Variants in RAP2C observed in about 807,000 individuals in gnomAD.
RAP2C encodes the protein ras-related protein Rap-2c.
RAP2C carries 3 observed loss-of-function variants against 8.9 expected under a neutral mutation model. The ratio of observed to expected loss-of-function variants is 0.34; its 90% CI spans 0.15 to 0.87. The LOEUF (loss-of-function observed/expected upper bound fraction) is 0.87. Ranked by LOEUF, RAP2C falls within the 40% of genes least tolerant of loss-of-function variation. The pLI, the probability that RAP2C is intolerant of heterozygous loss-of-function variation, is 0.51. For synonymous variants in RAP2C, 60 were observed against 52.1 expected (o/e 1.15, Z -0.65); for missense variants, 76 against 133.7 (o/e 0.57, Z 2.13).
In RAP2C at chrX:132,214,356, G is replaced by A. The variant is rs1163771004; in HGVS notation, c.364C>T (p.Pro122Ser). Residue 122 changes from proline to serine, a missense_variant, in exon 5 of 6, where the codon CCA becomes TCA. Coordinates refer to ENST00000370874, the MANE Select transcript of RAP2C (RefSeq NM_001271186.2). The stretch of plus-strand genomic sequence containing the variant: ...TCTGAAGACATAACCTCTCTTTCTG[G>A]TTCCAGATCCACTTTATTTCCTACT... ...ILVGNKVDLEPEREVMSSEGR... is the reference protein window; with the variant it reads ...ILVGNKVDLESEREVMSSEGR... 1 of 1,211,520 alleles carries A rather than the reference G, an allele frequency of 8.3e-7. No homozygotes were observed. Among genetic ancestry groups the A allele is most frequent in the Non-Finnish European group, 1.1e-6 (1 of 895,286 alleles).
In RAP2C at chrX:132,204,196, G is replaced by C. The variant is rs1930204791; in HGVS notation, c.*1426C>G. The C allele has an allele frequency of 8.9e-6, 1 of 112,176 alleles. No individual in the cohort carries two copies. Among genetic ancestry groups the C allele is most frequent in the Admixed American group, 9.5e-5 (1 of 10,543 alleles). 9.2% of individuals were successfully genotyped at this position (112,176 alleles called of 1,213,427 possible). A position where few individuals can be genotyped will look rare whatever the true frequency, so the allele number is the denominator to read the frequency against. ...AATCGAGAACTTTGGTGCAGTAGGT[G>C]AGCTGCAGTTACTAACTTCTGCAAA... On this transcript the variant is annotated 3_prime_UTR_variant, in exon 6 of 6. Coordinates refer to ENST00000370874, the MANE Select transcript of RAP2C (RefSeq NM_001271186.2).
At chrX:132,215,584 T>C (rs1247928037) in intron 4 of RAP2C, among the ~76,000 whole-genome samples, 7 of 111,574 alleles carry the variant, frequency 6.3e-5, no homozygotes, top group Non-Finnish European at 3.8e-5. Context: ...AGTTTACACC[T>C]CCACTGAAAT....
Position 132,217,128 on chromosome X carries a change from G to C in RAP2C, c.141C>G (p.Asp47Glu). 8.3e-7 allele frequency: 1 copy of C among 1,205,617 alleles called. No homozygotes were observed. The highest frequency in any genetic ancestry group is 1.8e-5 in the South Asian group (1 of 55,858). ...EDFYRKEIEV[D>E]SSPSVLEILD... ...GAATTTCCAGCACGGAGGGGGAAGA[G>C]TCCACTTCGATCTCTTTGCGGTAGA... Residue 47 changes from aspartate to glutamate, a missense_variant, in exon 4 of 6, where the codon GAC (aspartate) becomes GAG (glutamate). Asp to Glu is a conservative substitution (Grantham distance 45, BLOSUM62 2). Transcript: ENST00000370874.
intron 5 of RAP2C, among the ~76,000 whole-genome samples, chrX:132,208,793 T>C (rs1357657549): frequency 1.8e-5 from 2 of 110,577 alleles, no homozygotes; most frequent in Non-Finnish European, 3.8e-5. Flanking sequence ...CTTGAACCGC[T>C]AGTACTACAG....
In RAP2C at chrX:132,214,451, T is replaced by C. The variant is rs369025253; in HGVS notation, c.274-5A>G. 44 of 1,198,901 alleles carry C rather than the reference T, an allele frequency of 3.7e-5. No homozygotes were observed. The highest frequency in any genetic ancestry group is 4.9e-5 in the Non-Finnish European group (44 of 889,091). On this transcript the variant is annotated splice_polypyrimidine_tract_variant and splice_region_variant and intron_variant, in intron 4 of 5. Transcript: ENST00000370874. ...ATCTCTCATTGGCTTGATATCCTAT[T>C]CAAGCAATCACAAAGAGAAAGAAAA...
At position 132,204,996 on chromosome X, in the gene RAP2C, A is replaced by AC; in HGVS notation, c.*625_*626insG. 1 of 110,268 alleles carries AC rather than the reference A, an allele frequency of 9.1e-6. No individual in the cohort carries two copies. Among genetic ancestry groups the AC allele is most frequent in the African/African-American group, 3.3e-5 (1 of 30,351 alleles). 9.1% of individuals were successfully genotyped at this position (110,268 alleles called of 1,213,427 possible). A position where few individuals can be genotyped will look rare whatever the true frequency, so the allele number is the denominator to read the frequency against. Reference sequence around the variant, plus strand: ...TGTTAATTACAAAAAAAAAAAAAAAAAAACAAAACACATCACAAACTGCAC... The same window carrying AC: ...TGTTAATTACAAAAAAAAAAAAAAAACAAACAAAACACATCACAAACTGCAC... On this transcript the variant is annotated 3_prime_UTR_variant, in exon 6 of 6. Coordinates refer to ENST00000370874, the MANE Select transcript of RAP2C (RefSeq NM_001271186.2).
Position 132,214,223 on chromosome X carries a change from T to C in RAP2C, c.497A>G (p.Tyr166Cys), listed in dbSNP as rs1403280172. ...LFAEIVRQMN[Y>C]SSLPEKQDQC... ...ATCTTGCTTCTCCGGCAGGGATGAATAGTTCATTTGCCTGACGATCTCAGC... is the reference window on the plus strand; with the variant it reads ...ATCTTGCTTCTCCGGCAGGGATGAACAGTTCATTTGCCTGACGATCTCAGC... Residue 166 changes from tyrosine to cysteine, a missense_variant, in exon 5 of 6, where the codon TAT becomes TGT. Tyr to Cys is a radical substitution (Grantham distance 194). Transcript: ENST00000370874. 1 of 1,211,813 alleles carries C rather than the reference T, an allele frequency of 8.3e-7. No homozygotes were observed. Among genetic ancestry groups the C allele is most frequent in the South Asian group, 1.8e-5 (1 of 57,017 alleles).
intron 5 of RAP2C, 130 bp downstream of exon 5, chrX:132,214,004 T>C (rs952270991): frequency 3.9e-6 from 2 of 515,834 alleles, no homozygotes; most frequent in Non-Finnish European, 5.8e-6. Flanking sequence ...TTTTGTGTGA[T>C]GGAAAATGTT....
At position 132,205,475 on chromosome X, in the gene RAP2C, T is replaced by C. The variant is rs1383787799; in HGVS notation, c.*147A>G. On this transcript the variant is annotated 3_prime_UTR_variant, in exon 6 of 6. Transcript: ENST00000370874. ...AGGCCAAAGACCTTATGCACTTAAATAGATGTATGGCAACATGCTGTAATA... is the reference window on the plus strand; with the variant it reads ...AGGCCAAAGACCTTATGCACTTAAACAGATGTATGGCAACATGCTGTAATA... 1 of 111,800 alleles carries C rather than the reference T, an allele frequency of 8.9e-6. No homozygotes were observed. 9.2% of individuals were successfully genotyped at this position (111,800 alleles called of 1,213,427 possible).
In RAP2C at chrX:132,214,216, G is replaced by C. The variant is rs1398230883; in HGVS notation, c.504C>G (p.Ser168=). The part of the protein sequence containing the change: ...AEIVRQMNYS[S]LPEKQDQCCT... ...AACACTGATCTTGCTTCTCCGGCAG[G>C]GATGAATAGTTCATTTGCCTGACGA... Residue 168 remains serine (S), a synonymous_variant, in exon 5 of 6, where the codon TCC becomes TCG. Transcript: ENST00000370874. The C allele has an allele frequency of 8.3e-7, 1 of 1,211,541 alleles. No homozygotes were observed. The highest frequency in any genetic ancestry group is 1.1e-6 in the Non-Finnish European group (1 of 895,358).
Position 132,214,402 on chromosome X carries a change from A to G in RAP2C, c.318T>C (p.Tyr106=), listed in dbSNP as rs376860828. 7.7e-5 allele frequency: 93 copies of G among 1,209,623 alleles called. No homozygotes were observed. The highest frequency in any genetic ancestry group is 1.0e-4 in the Non-Finnish European group (91 of 894,767). ...MRDQIVRVKR[Y]EKVPLILVGN... is the part of the protein sequence containing the mutation. ...CTACTAGGATTAGTGGGACTTTTTCATATCTCTTCACTCTGACAATTTGAT... is the reference window on the plus strand; with the variant it reads ...CTACTAGGATTAGTGGGACTTTTTCGTATCTCTTCACTCTGACAATTTGAT... Residue 106 remains tyrosine, a synonymous_variant, in exon 5 of 6, where the codon TAT becomes TAC. Transcript: ENST00000370874.
Position 132,205,139 on chromosome X carries a change from G to T in RAP2C, c.*483C>A, listed in dbSNP as rs1278820845. On this transcript the variant is annotated 3_prime_UTR_variant, in exon 6 of 6. Transcript: ENST00000370874. ...TTAACCAATAATTTTAAAGGAGAAAGATTTTACAAATAGGATGAAGCACTG... is the reference window on the plus strand; with the variant it reads ...TTAACCAATAATTTTAAAGGAGAAATATTTTACAAATAGGATGAAGCACTG... 1 of 111,830 alleles carries T rather than the reference G, an allele frequency of 8.9e-6. No individual in the cohort carries two copies. The highest frequency in any genetic ancestry group is 9.5e-5 in the Admixed American group (1 of 10,481). The allele number at this position is 111,830 out of a possible 1,213,427, so 9.2% of individuals were successfully genotyped here.
rs10617253 is a variant in RAP2C, at chrX:132,203,506, T to TGAGAGA, written c.*2110_*2115dup. ...TCAATGACAATGAACACTGTAATTT[T>TGAGAGA]GAGAGAGAGAGAGAGAGAGAGAGAG... On this transcript the variant is annotated 3_prime_UTR_variant, in exon 6 of 6. Transcript: ENST00000370874. The TGAGAGA allele has an allele frequency of 3.5e-4, 21 of 60,343 alleles. No individual in the cohort carries two copies. The highest frequency in any genetic ancestry group is 6.1e-4 in the Non-Finnish European group (19 of 31,263). The allele number at this position is 60,343 out of a possible 1,213,427, so 5.0% of individuals were successfully genotyped here.
intron 4 of RAP2C, among the ~76,000 whole-genome samples, chrX:132,215,115 ATT>A (rs375550778): frequency 4.9e-5 from 5 of 102,209 alleles, no homozygotes; most frequent in Admixed American, 2.2e-4. Flanking sequence ...GGAAGAAGTC[ATT>A]TTTTTTTTTT....
chrX:132,206,445 C>A (rs906953799), intron 5 of RAP2C, among the ~76,000 whole-genome samples: 2 of 112,099 alleles, frequency 1.8e-5, no homozygotes, highest in African/African-American at 6.5e-5. Context: ...AAAAATCTAT[C>A]GTTCAGACAG....
rs908643052 is a variant in RAP2C, at chrX:132,217,549, C to A, written c.-281G>T. 8.3e-6 allele frequency: 2 copies of A among 240,399 alleles called. No individual in the cohort carries two copies. The highest frequency in any genetic ancestry group is 1.5e-5 in the Non-Finnish European group (2 of 134,289). The allele number at this position is 240,399 out of a possible 1,213,427, so 19.8% of individuals were successfully genotyped here. A position where few individuals can be genotyped will look rare whatever the true frequency, so the allele number is the denominator to read the frequency against. The stretch of plus-strand genomic sequence containing the variant: ...GAGGGCGAGCCTGGGAAAAGCCCGG[C>A]GAGGGTGGCGAGGAGGCGCGTGCCC... On this transcript the variant is annotated 5_prime_UTR_variant, in exon 4 of 6. Transcript: ENST00000370874.
chrX:132,211,238 GTCTC>G (rs1286213079), intron 5 of RAP2C, among the ~76,000 whole-genome samples: 2 of 111,166 alleles, frequency 1.8e-5, no homozygotes, highest in African/African-American at 6.6e-5. Flanking sequence ...GTTGGTTGTG[GTCTC>G]TCCTTTCCCT....
In RAP2C at chrX:132,203,219, T is replaced by C. The variant is rs781376929; in HGVS notation, c.*2403A>G. On this transcript the variant is annotated 3_prime_UTR_variant, in exon 6 of 6. Coordinates refer to ENST00000370874, the MANE Select transcript of RAP2C (RefSeq NM_001271186.2). ...ATAAAGTTACAGTACATTAGATCCA[T>C]GATAATAGGTTACATTATTTTATTT... 8.9e-6 allele frequency: 1 copy of C among 112,227 alleles called. No homozygotes were observed. Among genetic ancestry groups the C allele is most frequent in the East Asian group, 2.8e-4 (1 of 3,600 alleles). 9.2% of individuals were successfully genotyped at this position (112,227 alleles called of 1,213,427 possible).
Position 132,214,123 on chromosome X carries a change from C to A in RAP2C, c.*34+11G>T. The A allele has an allele frequency of 3.4e-6, 4 of 1,165,823 alleles. No homozygotes were observed. Among genetic ancestry groups the A allele is most frequent in the Non-Finnish European group, 4.6e-6 (4 of 869,405 alleles). On this transcript the variant is annotated intron_variant, in intron 5 of 5. Coordinates refer to ENST00000370874, the MANE Select transcript of RAP2C (RefSeq NM_001271186.2). ...CACTACCTGATTCATACAGTTCCAT[C>A]AAAAACTAACCTGCTCGGTATGGCC...
Sources: gnomAD v4.1 joint callset for allele counts (sites outside exome capture counted in the v4.1 genomes callset) on GRCh38, gnomAD v4.1.1 for gene constraint, MANE v1.5 for transcripts, NCBI Gene and HGNC (gene_info 2026-07-23, HGNC 2026-07-21) for gene names.